The following STK31 variants were observed in gnomAD, a reference collection of about 807,000 sequenced individuals.
STK31 encodes serine/threonine kinase 31, also known as serine/threonine-protein kinase 31.
A neutral mutation model predicts 129.7 loss-of-function variants in STK31; 89 were observed. That is an observed-to-expected ratio of 0.69 (90% CI 0.58 to 0.82). The LOEUF (loss-of-function observed/expected upper bound fraction) is 0.82, where lower values mean the gene tolerates loss of function less well. STK31 is among the 40% of genes least tolerant of loss of function. STK31 has a pLI of 0.00. For missense variants in STK31, 1,187 were observed against 1,176.4 expected (o/e 1.01, Z -0.13); for synonymous variants, 448 against 395.3 (o/e 1.13, Z -1.58).
intron 22 of STK31, among the ~76,000 whole-genome samples, chr7:23,805,170 G>A (rs7805668): frequency 0.011 from 1,640 of 151,924 alleles, 27 homozygotes; most frequent in African/African-American, 0.038. Context: ...CTGCCTCCTA[G>A]GTTCAAGCGA....
chr7:23,727,150 C>T, intron 4 of STK31, 91 bp from the exon 5 acceptor site: 1 of 973,010 alleles, frequency 1.0e-6, no homozygotes, highest in Non-Finnish European at 1.6e-6. Context: ...TACTTATTGA[C>T]ATATAGGAAG....
intron 10 of STK31, among the ~76,000 whole-genome samples, chr7:23,760,023 G>A (rs1789362611): frequency 6.6e-6 from 1 of 152,140 alleles, no homozygotes; most frequent in Non-Finnish European, 1.5e-5. Flanking sequence ...CCTATTGTTG[G>A]GAGGTAGTTG....
intron 11 of STK31, among the ~76,000 whole-genome samples, chr7:23,765,806 C>G (rs1302669174): frequency 1.3e-5 from 2 of 152,180 alleles, no homozygotes; most frequent in African/African-American, 2.4e-5. Context: ...CTCAGCCTCC[C>G]AAAGTGTTGG....
chr7:23,775,272 G>T (rs1790466023), intron 15 of STK31, among the ~76,000 whole-genome samples: 1 of 152,150 alleles, frequency 6.6e-6, no homozygotes, highest in Admixed American at 6.5e-5. Flanking sequence ...GATGCCTCCA[G>T]CTTTGTTCTT....
At chr7:23,715,941 C>T (rs1251078086) in intron 3 of STK31, among the ~76,000 whole-genome samples, 1 of 152,154 alleles carries the variant, frequency 6.6e-6, no homozygotes, top group East Asian at 1.9e-4. Flanking sequence ...GAATGTGGCT[C>T]TGTATACTCT....
chr7:23,747,170 G>A (rs1584374968), intron 8 of STK31, among the ~76,000 whole-genome samples: 1 of 151,982 alleles, frequency 6.6e-6, no homozygotes, highest in East Asian at 1.9e-4. Context: ...TCAGTATTAG[G>A]GTGATGCTGG....
intron 5 of STK31, among the ~76,000 whole-genome samples, chr7:23,727,800 TC>T (rs1354788300): frequency 6.6e-6 from 1 of 151,910 alleles, no homozygotes; most frequent in Non-Finnish European, 1.5e-5. Context: ...CCTCAGGTGA[TC>T]CGTCCGCCTC....
At chr7:23,789,545 G>A (rs1791494116) in intron 21 of STK31, among the ~76,000 whole-genome samples, 1 of 151,994 alleles carries the variant, frequency 6.6e-6, no homozygotes, top group African/African-American at 2.4e-5. Flanking sequence ...TAGTCTTAAT[G>A]GTTTTGATAT....
At chr7:23,773,936 C>G (rs188897565) in intron 15 of STK31, among the ~76,000 whole-genome samples, 2 of 151,190 alleles carry the variant, frequency 1.3e-5, no homozygotes, top group South Asian at 2.1e-4. Context: ...CCTGCCACCC[C>G]CCACCCCACA....
chr7:23,731,968 A>G (rs1441850523), intron 6 of STK31, among the ~76,000 whole-genome samples: 2 of 152,208 alleles, frequency 1.3e-5, no homozygotes, highest in Admixed American at 6.5e-5. Context: ...ATCTTTTTTA[A>G]TGATTGAAAG....
chr7:23,736,757 T>A, intron 7 of STK31, 147 bp from the exon 8 acceptor site: 2 of 523,320 alleles, frequency 3.8e-6, no homozygotes, highest in Non-Finnish European at 6.2e-6. Flanking sequence ...AATTATTTTT[T>A]AATATTATGA....
intron 23 of STK31, among the ~76,000 whole-genome samples, chr7:23,821,066 G>A (rs1793761290): frequency 6.7e-6 from 1 of 149,088 alleles, no homozygotes; most frequent in East Asian, 2.0e-4. Flanking sequence ...TGACACTTAG[G>A]TTGAGTCCTT....
intron 22 of STK31, among the ~76,000 whole-genome samples, chr7:23,804,153 A>G (rs943996108): frequency 1.3e-5 from 2 of 152,072 alleles, no homozygotes; most frequent in African/African-American, 4.8e-5. Flanking sequence ...CCTGAGCTCA[A>G]GCGATCTTCC....
At chr7:23,711,034 C>G (rs1044276016) in intron 1 of STK31, among the ~76,000 whole-genome samples, 9 of 152,122 alleles carry the variant, frequency 5.9e-5, no homozygotes, top group African/African-American at 1.9e-4. Flanking sequence ...TAAGTTGTGA[C>G]AAAGTAATCC....
At chr7:23,830,592 T>TTGTGTGTGTG (rs3034048) in intron 23 of STK31, among the ~76,000 whole-genome samples, 4,858 of 142,170 alleles carry the variant, frequency 0.034, 139 homozygotes, top group African/African-American at 0.078. Flanking sequence ...AATTTCCATG[T>TTGTGTGTGTG]TGTGTGTGTG....
intron 23 of STK31, among the ~76,000 whole-genome samples, chr7:23,824,582 C>T (rs1793996795): frequency 6.6e-6 from 1 of 152,276 alleles, no homozygotes; most frequent in South Asian, 2.1e-4. Flanking sequence ...TAATTGAATG[C>T]CCTTTCTTCC....
At chr7:23,824,597 C>A (rs1404647270) in intron 23 of STK31, among the ~76,000 whole-genome samples, 1 of 152,160 alleles carries the variant, frequency 6.6e-6, no homozygotes, top group Non-Finnish European at 1.5e-5. Context: ...TCTTCCTTCT[C>A]CTGCCTGATT....
At position 23,751,174 on chromosome 7, in the gene STK31, T is replaced by C. The variant is rs1385511879; in HGVS notation, c.1018-1543T>C. On this transcript the variant is annotated intron_variant, in intron 8 of 23. Coordinates refer to ENST00000355870, the MANE Select transcript of STK31 (RefSeq NM_031414.5). ...TTTCACTTAATAGAATGACATCCAG[T>C]TCCATCCATGTTGCTGCAAATGACA... Among the ~76,000 whole-genome samples, 3 of 152,278 alleles carry C rather than the reference T, an allele frequency of 2.0e-5. No individual in the cohort carries two copies. The East Asian group carries it at 5.8e-4, about 29-fold the overall frequency.
chr7:23,776,403 T>G (rs1336304683), intron 15 of STK31, among the ~76,000 whole-genome samples: 1 of 152,228 alleles, frequency 6.6e-6, no homozygotes, highest in Non-Finnish European at 1.5e-5. Context: ...TCAGAAAGAA[T>G]GGTACTAGCT....
Sources: allele counts gnomAD v4.1 joint callset (sites outside exome capture counted in the v4.1 genomes callset), GRCh38; gene constraint gnomAD v4.1.1; transcripts MANE v1.5; gene names NCBI Gene and HGNC (gene_info 2026-07-23, HGNC 2026-07-21).